The following ASTN1 variants were observed in gnomAD, a reference collection of about 807,000 sequenced individuals.
ASTN1 encodes the protein astrotactin-1.
In ASTN1, 41 loss-of-function variants were observed where a neutral mutation model predicts 140.7. The observed-to-expected ratio is 0.29, with a 90% CI of 0.23 to 0.38. The LOEUF (loss-of-function observed/expected upper bound fraction) is 0.38, where lower values mean the gene tolerates loss of function less well. ASTN1 is among the 10% of genes least tolerant of loss of function. The probability of loss-of-function intolerance (pLI) is 1.00; values close to 1 mark genes in which losing one functional copy is unlikely to be tolerated. For missense variants in ASTN1, 1,479 were observed against 1,678.8 expected (o/e 0.88, Z 2.08); for synonymous variants, 640 against 652.2 (o/e 0.98, Z 0.29).
chr1:176,921,634 G>C (rs1170171649), intron 16 of ASTN1, among the ~76,000 whole-genome samples: 7 of 152,174 alleles, frequency 4.6e-5, no homozygotes, highest in African/African-American at 1.2e-4. Context: ...TCTAACCCAG[G>C]TCCTAATAAT....
chr1:176,969,872 C>A (rs1450984456), intron 8 of ASTN1, among the ~76,000 whole-genome samples: 1 of 152,178 alleles, frequency 6.6e-6, no homozygotes, highest in Non-Finnish European at 1.5e-5. Context: ...AGATTGTCGT[C>A]CCATGTGGGC....
chr1:177,084,531 G>T (rs559377849), intron 1 of ASTN1, among the ~76,000 whole-genome samples: 2 of 152,222 alleles, frequency 1.3e-5, no homozygotes, highest in East Asian at 1.9e-4. Context: ...CCTTGTTTTT[G>T]ACTTCAAGAT....
intron 11 of ASTN1, among the ~76,000 whole-genome samples, chr1:176,954,665 T>C (rs1351535291): frequency 1.4e-4 from 21 of 152,156 alleles, no homozygotes; most frequent in Non-Finnish European, 2.8e-4. Flanking sequence ...ATATCACCAG[T>C]AAGGAACACA....
chr1:177,161,085 T>C (rs901779282), intron 1 of ASTN1, among the ~76,000 whole-genome samples: 3 of 152,220 alleles, frequency 2.0e-5, no homozygotes, highest in African/African-American at 4.8e-5. Flanking sequence ...AAAGGAGATA[T>C]TGACTCCTGT....
intron 1 of ASTN1, among the ~76,000 whole-genome samples, chr1:177,097,022 C>T (rs1680060326): frequency 6.6e-6 from 1 of 151,926 alleles, no homozygotes; most frequent in South Asian, 2.1e-4. Flanking sequence ...CCTCCACAGC[C>T]ATGAGAAATG....
At chr1:176,902,366 T>C (rs1669804218) in intron 16 of ASTN1, among the ~76,000 whole-genome samples, 1 of 152,204 alleles carries the variant, frequency 6.6e-6, no homozygotes, top group South Asian at 2.1e-4. Context: ...ACTATGCGGA[T>C]TTGGAAGCTG....
Position 177,023,388 on chromosome 1 carries a change from C to T in ASTN1, c.1438+16G>A, listed in dbSNP as rs780328066. 31 of 1,569,848 alleles carry T rather than the reference C, an allele frequency of 2.0e-5. No homozygotes were observed. Among genetic ancestry groups the T allele is most frequent in the Middle Eastern group, 1.7e-4 (1 of 6,000 alleles). Reference sequence around the variant, plus strand: ...ATCTCTCTGACAGTTACCCGCTGCCCGGTGCTCCCGCCTACCAGTTTCGGG... The same window carrying T: ...ATCTCTCTGACAGTTACCCGCTGCCTGGTGCTCCCGCCTACCAGTTTCGGG... On this transcript the variant is annotated intron_variant, in intron 7 of 22. Transcript: ENST00000361833.
chr1:177,095,319 A>G (rs1679977351), intron 1 of ASTN1, among the ~76,000 whole-genome samples: 1 of 152,180 alleles, frequency 6.6e-6, no homozygotes, highest in African/African-American at 2.4e-5. Flanking sequence ...TTTCATAAGG[A>G]GATTAGTATG....
chr1:177,032,509 G>A lies in ASTN1; in HGVS notation c.812C>T (p.Thr271Ile), dbSNP rs778808525. ...GEDFASQVTR[T>I]LDSLQGCNEK... ...ATTGCAGCCCTGCAGGGAGTCGAGG[G>A]TGCGCGTGACCTGGCTGGCAAAGTC... The change falls in exon 3 of 23, where the codon ACC becomes ATC. Residue 271 changes from threonine to isoleucine, a missense_variant. This residue lies in a region of ASTN1 where 729 missense variants were observed against 860.4 expected (regional missense o/e 0.85). Coordinates refer to ENST00000361833, the MANE Select transcript of ASTN1 (RefSeq NM_004319.3). The A allele has an allele frequency of 1.2e-6, 2 of 1,614,126 alleles. No individual in the cohort carries two copies. Among genetic ancestry groups the A allele is most frequent in the South Asian group, 2.2e-5 (2 of 91,080 alleles).
chr1:177,128,110 A>C (rs1198116208), intron 1 of ASTN1, among the ~76,000 whole-genome samples: 1 of 152,218 alleles, frequency 6.6e-6, no homozygotes, highest in African/African-American at 2.4e-5. Flanking sequence ...TTTAAAGGTT[A>C]TTCACATAAT....
rs563249523 is a variant in ASTN1 at position 177,090,277 on chromosome 1, T to C, written c.284-29012A>G. Reference sequence around the variant, plus strand: ...TAGAGATTCACTGTATTTCTTACTGTCTGTCTTCCCTAATTTGAAAGATCC... The same window carrying C: ...TAGAGATTCACTGTATTTCTTACTGCCTGTCTTCCCTAATTTGAAAGATCC... On this transcript the variant is annotated intron_variant, in intron 1 of 22. Coordinates refer to ENST00000361833, the MANE Select transcript of ASTN1 (RefSeq NM_004319.3). 3.6e-4 allele frequency among the ~76,000 whole-genome samples: 55 copies of C among 151,948 alleles called. 1 individual carries two copies. In the South Asian group the frequency reaches 0.011, roughly 31 times the overall value.
intron 14 of ASTN1, among the ~76,000 whole-genome samples, chr1:176,941,172 G>C (rs917523524): frequency 2.0e-5 from 3 of 152,134 alleles, no homozygotes; most frequent in Admixed American, 1.3e-4. Context: ...TGTAAGTCTA[G>C]GAAAGATATA....
chr1:176,927,321 G>A (rs1379933581), intron 16 of ASTN1, among the ~76,000 whole-genome samples: 1 of 152,058 alleles, frequency 6.6e-6, no homozygotes, highest in Admixed American at 6.5e-5. Flanking sequence ...AGATAACCCC[G>A]CTGATATGCA....
chr1:177,161,151 C>T (rs1647336348), intron 1 of ASTN1, among the ~76,000 whole-genome samples: 1 of 152,140 alleles, frequency 6.6e-6, no homozygotes, highest in South Asian at 2.1e-4. Flanking sequence ...GCTGAGATAA[C>T]CTCTGGGATC....
intron 8 of ASTN1, among the ~76,000 whole-genome samples, chr1:176,987,710 T>G (rs536745195): frequency 6.6e-6 from 1 of 152,348 alleles, no homozygotes; most frequent in South Asian, 2.1e-4. Flanking sequence ...TCCCAGGCTC[T>G]TTCTTTCTTT....
intron 1 of ASTN1, among the ~76,000 whole-genome samples, chr1:177,158,105 A>T (rs1028116494): frequency 3.3e-5 from 5 of 152,228 alleles, no homozygotes; most frequent in African/African-American, 1.2e-4. Context: ...GAACTGCAAA[A>T]GCATCAGGCA....
chr1:176,882,028 C>A (rs1668822601), intron 20 of ASTN1, among the ~76,000 whole-genome samples: 1 of 152,188 alleles, frequency 6.6e-6, no homozygotes, highest in Non-Finnish European at 1.5e-5. Flanking sequence ...ATTTTTCCAT[C>A]ATGATTTAGA....
At chr1:177,052,135 G>A (rs1376736387) in intron 2 of ASTN1, among the ~76,000 whole-genome samples, 3 of 152,174 alleles carry the variant, frequency 2.0e-5, no homozygotes, top group African/African-American at 7.2e-5. Context: ...CTTTGTAATG[G>A]CCCTATTCTA....
chr1:176,910,390 C>A (rs1224090413), intron 16 of ASTN1, among the ~76,000 whole-genome samples: 1 of 152,140 alleles, frequency 6.6e-6, no homozygotes, highest in African/African-American at 2.4e-5. Context: ...AGTCAGAAGA[C>A]CCTAACAAAC....
Sources: gnomAD v4.1 joint callset for allele counts (sites outside exome capture counted in the v4.1 genomes callset) on GRCh38, gnomAD v4.1.1 for gene constraint, gnomAD v4.1.1 regional missense constraint, MANE v1.5 for transcripts, NCBI Gene and HGNC (gene_info 2026-07-23, HGNC 2026-07-21) for gene names.